Variants in QTMAN observed in about 807,000 individuals in gnomAD.
QTMAN encodes the protein queuosine-tRNA mannosyltransferase.
the QTMAN span, among the ~76,000 whole-genome samples, chr2:144,203,217 G>A: frequency 1.4e-4 from 22 of 151,780 alleles, no homozygotes; most frequent in African/African-American, 4.8e-4. Context: ...ACATGTATGC[G>A]CATATGAGAA....
At chr2:144,047,312 G>A in the QTMAN span, among the ~76,000 whole-genome samples, 2 of 152,056 alleles carry the variant, frequency 1.3e-5, no homozygotes, top group Admixed American at 1.3e-4. Flanking sequence ...CGCCATTTGT[G>A]AAGCTATCCA....
the QTMAN span, among the ~76,000 whole-genome samples, chr2:144,332,197 A>C: frequency 1.3e-5 from 2 of 151,882 alleles, no homozygotes; most frequent in Non-Finnish European, 2.9e-5. Context: ...CCCCATTCCG[A>C]GCGCGGTGCG....
At chr2:144,005,296 T>G in the QTMAN span, among the ~76,000 whole-genome samples, 1 of 152,160 alleles carries the variant, frequency 6.6e-6, no homozygotes, top group Non-Finnish European at 1.5e-5. Flanking sequence ...TCCTGACATA[T>G]TGAACAAATA....
At chr2:144,048,222 T>TA in the QTMAN span, among the ~76,000 whole-genome samples, 2 of 152,162 alleles carry the variant, frequency 1.3e-5, no homozygotes, top group Non-Finnish European at 2.9e-5. Flanking sequence ...ACATTATACA[T>TA]AATACAGCCA....
At chr2:144,304,968 G>A in the QTMAN span, among the ~76,000 whole-genome samples, 1 of 152,092 alleles carries the variant, frequency 6.6e-6, no homozygotes, top group Non-Finnish European at 1.5e-5. Context: ...TTATTGAATT[G>A]TAACAGTTCT....
the QTMAN span, among the ~76,000 whole-genome samples, chr2:144,072,054 CT>C: frequency 2.0e-5 from 3 of 152,134 alleles, no homozygotes; most frequent in Non-Finnish European, 4.4e-5. Flanking sequence ...TTTCTACAAC[CT>C]TTTTAGTATG....
At chr2:144,036,470 T>G in the QTMAN span, among the ~76,000 whole-genome samples, 1 of 152,194 alleles carries the variant, frequency 6.6e-6, no homozygotes, top group African/African-American at 2.4e-5. Context: ...AAGTAGGCTT[T>G]GTGTAATTCT....
At chr2:144,278,801 T>A in the QTMAN span, among the ~76,000 whole-genome samples, 3 of 152,106 alleles carry the variant, frequency 2.0e-5, no homozygotes, top group Non-Finnish European at 4.4e-5. Context: ...GTTAATATAG[T>A]ATGCCCTGTA....
chr2:144,045,836 A>G, the QTMAN span, among the ~76,000 whole-genome samples: 1 of 152,242 alleles, frequency 6.6e-6, no homozygotes, highest in African/African-American at 2.4e-5. Context: ...GAAGATCCTT[A>G]CACTACTCCA....
chr2:144,133,133 A>ATATATAT, the QTMAN span, among the ~76,000 whole-genome samples: 1 of 44,518 alleles, frequency 2.2e-5, no homozygotes, highest in African/African-American at 1.2e-4. Flanking sequence ...ATATATATAT[A>ATATATAT]TATATATATA....
At chr2:144,058,541 CAAATTTTAGAGACT>C in the QTMAN span, among the ~76,000 whole-genome samples, 1 of 152,038 alleles carries the variant, frequency 6.6e-6, no homozygotes, top group African/African-American at 2.4e-5. Context: ...ATAAATGAAG[CAAATTTTAGAGACT>C]GATATAGCCT....
chr2:144,074,371 T>C, the QTMAN span, among the ~76,000 whole-genome samples: 1 of 152,208 alleles, frequency 6.6e-6, no homozygotes, highest in African/African-American at 2.4e-5. Flanking sequence ...TGTGACTGAT[T>C]TTATTAAATC....
At chr2:144,170,804 T>A in the QTMAN span, among the ~76,000 whole-genome samples, 1 of 152,112 alleles carries the variant, frequency 6.6e-6, no homozygotes, top group Non-Finnish European at 1.5e-5. Context: ...AGATTCTTGA[T>A]ACAATATAGT....
chr2:144,067,917 G>A, the QTMAN span, among the ~76,000 whole-genome samples: 23 of 152,312 alleles, frequency 1.5e-4, no homozygotes, highest in East Asian at 4.4e-3. Context: ...AAAGCACCAG[G>A]GAGGATGACC....
the QTMAN span, chr2:144,230,392 C>A: frequency 6.6e-6 from 1 of 152,146 alleles, no homozygotes. Context: ...CAGGCAACCA[C>A]ACTTCCAAAA....
the QTMAN span, among the ~76,000 whole-genome samples, chr2:144,248,483 G>A: frequency 2.6e-5 from 4 of 152,098 alleles, no homozygotes; most frequent in South Asian, 2.1e-4. Flanking sequence ...TTTAAATAGC[G>A]TCACCTAATG....
At chr2:144,199,049 C>CTT in the QTMAN span, among the ~76,000 whole-genome samples, 89 of 141,996 alleles carry the variant, frequency 6.3e-4, no homozygotes, top group South Asian at 2.2e-3. Flanking sequence ...CTGTACTGTA[C>CTT]TTTTTTTTTT....
chr2:144,146,776 T>A, the QTMAN span, among the ~76,000 whole-genome samples: 40 of 151,994 alleles, frequency 2.6e-4, no homozygotes, highest in Non-Finnish European at 5.3e-4. Flanking sequence ...GCCACCTTTA[T>A]AACATAATGT....
chr2:144,101,089 C>T, the QTMAN span, among the ~76,000 whole-genome samples: 1 of 151,942 alleles, frequency 6.6e-6, no homozygotes, highest in Non-Finnish European at 1.5e-5. Context: ...AGGATGGTCT[C>T]GATCTCCTGA....
Sources: gnomAD v4.1 joint callset for allele counts (sites outside exome capture counted in the v4.1 genomes callset) on GRCh38, gnomAD v4.1.1 for gene constraint, MANE v1.5 for transcripts, NCBI Gene and HGNC (gene_info 2026-07-23, HGNC 2026-07-21) for gene names.